CTNNA3: variants seen among roughly 807,000 people sequenced by gnomAD.
The protein encoded by CTNNA3 is catenin alpha-3.
A neutral mutation model predicts 95.7 loss-of-function variants in CTNNA3; 76 were observed. That is an observed-to-expected ratio of 0.79 (90% CI 0.66 to 0.96). The LOEUF (loss-of-function observed/expected upper bound fraction) is 0.96, where lower values mean the gene tolerates loss of function less well. Ranked by LOEUF, CTNNA3 falls within the 40% of genes least tolerant of loss-of-function variation. The pLI, the probability that CTNNA3 is intolerant of heterozygous loss-of-function variation, is 0.00. For synonymous variants in CTNNA3, 431 were observed against 374.4 expected (o/e 1.15, Z -1.74); for missense variants, 1,191 against 1,089.8 (o/e 1.09, Z -1.31).
intron 13 of CTNNA3, among the ~76,000 whole-genome samples, chr10:66,214,950 GAC>G (rs1355333183): frequency 1.3e-5 from 2 of 151,996 alleles, no homozygotes; most frequent in Non-Finnish European, 2.9e-5. Context: ...AGGAAAAAAA[GAC>G]ACTCACTGAA....
intron 7 of CTNNA3, among the ~76,000 whole-genome samples, chr10:66,948,264 C>T (rs1361067173): frequency 6.6e-6 from 1 of 152,104 alleles, no homozygotes. Context: ...GTTGAGGCAT[C>T]GTATAACATA....
rs200576825 is a variant in CTNNA3 at position 67,508,879 on chromosome 10, ATT to A, written c.579+12961_579+12962del. Among the ~76,000 whole-genome samples the A allele has an allele frequency of 4.0e-3, 594 of 147,276 alleles. 8 individuals carry two copies. Among genetic ancestry groups the A allele is most frequent in the East Asian group, 8.1e-3 (41 of 5,046 alleles). On this transcript the variant is annotated intron_variant, in intron 5 of 17. Coordinates refer to ENST00000433211, the MANE Select transcript of CTNNA3 (RefSeq NM_013266.4). ...AAATGAGCAAAATACCTAAATAGAC[ATT>A]TTTTTTTTTTTGAGACCTAAGTCTC...
At chr10:66,115,555 TAGATAGATAGATAGAC>T (rs1158459132) in intron 13 of CTNNA3, among the ~76,000 whole-genome samples, 32 of 146,558 alleles carry the variant, frequency 2.2e-4, no homozygotes, top group South Asian at 6.6e-4. Context: ...GATAGATAGA[TAGATAGATAGATAGAC>T]AGATAGATGA....
At chr10:67,718,885 C>T (rs1227708021) in intron 1 of CTNNA3, among the ~76,000 whole-genome samples, 4 of 152,256 alleles carry the variant, frequency 2.6e-5, no homozygotes, top group Non-Finnish European at 4.4e-5. Flanking sequence ...ATGGTACCAG[C>T]TCCTCTTTGT....
chr10:66,243,830 C>A (rs1247426423), intron 13 of CTNNA3, among the ~76,000 whole-genome samples: 1 of 151,116 alleles, frequency 6.6e-6, no homozygotes, highest in East Asian at 2.0e-4. Context: ...CCCTTGGGTC[C>A]TGAATAACCA....
At chr10:67,607,566 C>T (rs1198173453) in intron 2 of CTNNA3, among the ~76,000 whole-genome samples, 2 of 152,042 alleles carry the variant, frequency 1.3e-5, no homozygotes, top group African/African-American at 2.4e-5. Context: ...GGCAGGCACA[C>T]TTGATGTAAC....
At chr10:66,249,488 A>T (rs1050632402) in intron 13 of CTNNA3, among the ~76,000 whole-genome samples, 2 of 152,232 alleles carry the variant, frequency 1.3e-5, no homozygotes, top group Admixed American at 1.3e-4. Context: ...TTCTCAAAAG[A>T]AGACATACAA....
At chr10:66,221,443 A>C (rs1190655555) in intron 13 of CTNNA3, among the ~76,000 whole-genome samples, 1 of 152,202 alleles carries the variant, frequency 6.6e-6, no homozygotes. Flanking sequence ...CCTGCAGAAA[A>C]AAATAAGCTT....
chr10:66,207,892 A>G (rs1213144588), intron 13 of CTNNA3, among the ~76,000 whole-genome samples: 18 of 152,042 alleles, frequency 1.2e-4, no homozygotes, highest in East Asian at 3.9e-4. Context: ...CACATTAATA[A>G]AAAAAATATT....
At chr10:66,766,150 C>T (rs1345356125) in intron 9 of CTNNA3, 114 bp downstream of exon 9, 1 of 995,110 alleles carries the variant, frequency 1.0e-6, no homozygotes, top group Non-Finnish European at 1.5e-6. Context: ...CCAGACTCTG[C>T]TGTATTTGTA....
intron 1 of CTNNA3, among the ~76,000 whole-genome samples, chr10:67,649,260 A>T (rs915480590): frequency 1.3e-5 from 2 of 152,262 alleles, no homozygotes; most frequent in African/African-American, 4.8e-5. Flanking sequence ...CTTTAAAAAC[A>T]TGTCATTTTC....
At position 66,825,042 on chromosome 10, in the gene CTNNA3, C is replaced by CA. The variant is rs898125657; in HGVS notation, c.1048-49519dup. ...CAACTTTTCTGTAAATCTAAATTTT[C>CA]AAAAAAAAAAAATTATTTAGAAAAA... On this transcript the variant is annotated intron_variant, in intron 7 of 17. Coordinates refer to ENST00000433211, the MANE Select transcript of CTNNA3 (RefSeq NM_013266.4). 9.7e-3 allele frequency among the ~76,000 whole-genome samples: 1,350 copies of CA among 139,688 alleles called. 13 individuals carry two copies. Among genetic ancestry groups the CA allele is most frequent in the Non-Finnish European group, 0.016 (1,011 of 64,276 alleles). The allele number at this position is 139,688 out of a possible 152,430, so 91.6% of individuals were successfully genotyped here. A position where few individuals can be genotyped will look rare whatever the true frequency, so the allele number is the denominator to read the frequency against.
chr10:66,920,991 G>A (rs759845144), intron 7 of CTNNA3, among the ~76,000 whole-genome samples: 5 of 152,182 alleles, frequency 3.3e-5, no homozygotes, highest in Non-Finnish European at 7.4e-5. Flanking sequence ...CCCCTGCTAA[G>A]AGTGATCATC....
chr10:66,651,565 G>T (rs1409194458), intron 9 of CTNNA3, among the ~76,000 whole-genome samples: 2 of 152,136 alleles, frequency 1.3e-5, no homozygotes. Flanking sequence ...GGGTTGGGGG[G>T]CAGTGCTCCT....
intron 10 of CTNNA3, among the ~76,000 whole-genome samples, chr10:66,603,235 G>A (rs1329397818): frequency 2.0e-5 from 3 of 152,054 alleles, no homozygotes; most frequent in Non-Finnish European, 4.4e-5. Context: ...AATAAATTTA[G>A]CAAAGCTTCA....
At chr10:67,227,784 T>G (rs1459323754) in intron 5 of CTNNA3, among the ~76,000 whole-genome samples, 2 of 152,170 alleles carry the variant, frequency 1.3e-5, no homozygotes, top group Non-Finnish European at 2.9e-5. Flanking sequence ...CAAGACAGAC[T>G]ATATGATAGG....
Position 66,574,528 on chromosome 10 carries a change from T to C in CTNNA3, c.1374+47164A>G, listed in dbSNP as rs188135873. ...TTCTTTACATGTGAATAATTTCTTT[T>C]TGGTTGAGTTGTAAATCACATATCT... On this transcript the variant is annotated intron_variant, in intron 10 of 17. Transcript: ENST00000433211. 3.5e-3 allele frequency among the ~76,000 whole-genome samples: 528 copies of C among 152,280 alleles called. 5 individuals carry two copies. The highest frequency in any genetic ancestry group is 6.7e-3 in the Non-Finnish European group (455 of 68,008).
chr10:66,298,969 CT>C (rs2091822916), intron 12 of CTNNA3, among the ~76,000 whole-genome samples: 1 of 152,118 alleles, frequency 6.6e-6, no homozygotes, highest in African/African-American at 2.4e-5. Context: ...GAAGTCATCC[CT>C]CTGCTCATTG....
chr10:66,647,569 G>A lies in CTNNA3; in HGVS notation c.1282-25785C>T, dbSNP rs1157240483. On this transcript the variant is annotated intron_variant, in intron 9 of 17. Coordinates refer to ENST00000433211, the MANE Select transcript of CTNNA3 (RefSeq NM_013266.4). ...TCTGTCGCCTAGGCTGGAGTGCAGT[G>A]GTGTGACCTTGGCTCACTGCAAGCT... 5.3e-5 allele frequency among the ~76,000 whole-genome samples: 8 copies of A among 150,296 alleles called. No homozygotes were observed. The South Asian group carries it at 1.0e-3, about 20-fold the overall frequency.
Sources: allele counts gnomAD v4.1 joint callset (sites outside exome capture counted in the v4.1 genomes callset), GRCh38; gene constraint gnomAD v4.1.1; transcripts MANE v1.5; gene names NCBI Gene and HGNC (gene_info 2026-07-23, HGNC 2026-07-21).